The following SH3BGRL2 variants were observed in gnomAD, a reference collection of about 807,000 sequenced individuals.
SH3BGRL2 encodes SH3 domain-binding glutamic acid-rich-like protein 2.
In SH3BGRL2, 21 loss-of-function variants were observed where a neutral mutation model predicts 14.8. That is an observed-to-expected ratio of 1.42 (90% CI 1.01 to 2.05). The LOEUF (loss-of-function observed/expected upper bound fraction) is 2.05, where lower values mean the gene tolerates loss of function less well. SH3BGRL2 is among the 30% of genes most tolerant of loss of function. SH3BGRL2 has a pLI of 0.00. For synonymous variants in SH3BGRL2, 50 were observed against 47.8 expected (o/e 1.05, Z -0.19); for missense variants, 147 against 130.8 (o/e 1.12, Z -0.61).
rs146346014 is a variant in SH3BGRL2, at chr6:79,656,477, A to G, written c.46-17137A>G. 1.4e-3 allele frequency among the ~76,000 whole-genome samples: 210 copies of G among 152,366 alleles called. 2 individuals carry two copies. Among genetic ancestry groups the G allele is most frequent in the African/African-American group, 4.8e-3 (200 of 41,588 alleles). On this transcript the variant is annotated intron_variant, in intron 1 of 3. Coordinates refer to ENST00000369838, the MANE Select transcript of SH3BGRL2 (RefSeq NM_031469.4). ...ATGGGATAACATTTGAGTATATACC[A>G]TGTGGAAAATACTCCTGGGACGACG...
chr6:79,610,373 A>G, the SH3BGRL2 span, among the ~76,000 whole-genome samples: 1 of 152,172 alleles, frequency 6.6e-6, no homozygotes, highest in South Asian at 2.1e-4. Flanking sequence ...TTGCTTCAGG[A>G]CTTCATGCTT....
chr6:79,556,580 T>A, the SH3BGRL2 span, among the ~76,000 whole-genome samples: 1 of 152,054 alleles, frequency 6.6e-6, no homozygotes, highest in African/African-American at 2.4e-5. Flanking sequence ...GTTTAAGCTT[T>A]TTGTTATTAA....
chr6:79,582,617 C>A, the SH3BGRL2 span, among the ~76,000 whole-genome samples: 1 of 152,156 alleles, frequency 6.6e-6, no homozygotes, highest in Non-Finnish European at 1.5e-5. Context: ...CTTCCTTACA[C>A]CTTATACAAA....
intron 2 of SH3BGRL2, among the ~76,000 whole-genome samples, chr6:79,690,968 A>G (rs944152224): frequency 6.6e-6 from 1 of 152,166 alleles, no homozygotes; most frequent in South Asian, 2.1e-4. Context: ...ATGAACATAG[A>G]TGAATTTTTT....
chr6:79,572,673 G>A, the SH3BGRL2 span, among the ~76,000 whole-genome samples: 1 of 152,148 alleles, frequency 6.6e-6, no homozygotes, highest in South Asian at 2.1e-4. Context: ...CACTGTGTTA[G>A]CCAGGATGGT....
At chr6:79,547,629 C>T in the SH3BGRL2 span, among the ~76,000 whole-genome samples, 5 of 152,030 alleles carry the variant, frequency 3.3e-5, no homozygotes, top group African/African-American at 9.6e-5. Context: ...TACTGTGTGG[C>T]GGAAGGAAAA....
chr6:79,627,947 T>C (rs1368578900), upstream of SH3BGRL2, among the ~76,000 whole-genome samples: 1 of 152,198 alleles, frequency 6.6e-6, no homozygotes. Flanking sequence ...CACATCTTTA[T>C]CTTTTCACTA....
At chr6:79,585,323 A>T in the SH3BGRL2 span, among the ~76,000 whole-genome samples, 1 of 151,662 alleles carries the variant, frequency 6.6e-6, no homozygotes, top group African/African-American at 2.4e-5. Context: ...TTTTTAAATT[A>T]AAAAAAAATC....
the SH3BGRL2 span, among the ~76,000 whole-genome samples, chr6:79,581,542 A>C: frequency 6.6e-6 from 1 of 152,238 alleles, no homozygotes; most frequent in African/African-American, 2.4e-5. Flanking sequence ...CAGAAACCAC[A>C]TGATTATCTC....
intron 1 of SH3BGRL2, among the ~76,000 whole-genome samples, chr6:79,649,985 T>TCTCACACACA (rs765159303): frequency 2.3e-4 from 32 of 142,070 alleles, no homozygotes; most frequent in African/African-American, 2.6e-4. Context: ...TCTCTCTCTC[T>TCTCACACACA]CACACACACA....
At chr6:79,691,399 C>T (rs1770211764) in intron 2 of SH3BGRL2, among the ~76,000 whole-genome samples, 1 of 150,926 alleles carries the variant, frequency 6.6e-6, no homozygotes, top group African/African-American at 2.4e-5. Context: ...TACATGTGCA[C>T]AATGTGCAGG....
intron 1 of SH3BGRL2, among the ~76,000 whole-genome samples, chr6:79,634,654 C>CA (rs1768889046): frequency 6.6e-6 from 1 of 152,126 alleles, no homozygotes; most frequent in South Asian, 2.1e-4. Context: ...TGTCCTTGGT[C>CA]TTCTGGGAAG....
intron 2 of SH3BGRL2, among the ~76,000 whole-genome samples, chr6:79,686,030 T>G (rs1476116452): frequency 1.3e-5 from 2 of 152,208 alleles, no homozygotes; most frequent in Non-Finnish European, 2.9e-5. Context: ...GATCATTTTG[T>G]TTAATATAAA....
chr6:79,631,638 TC>T (rs1482431176), intron 1 of SH3BGRL2, 132 bp downstream of exon 1: 5 of 357,672 alleles, frequency 1.4e-5, no homozygotes, highest in Non-Finnish European at 2.2e-5. Flanking sequence ...CGGCAGGTGA[TC>T]CATCACACTC....
chr6:79,571,096 G>C, the SH3BGRL2 span, among the ~76,000 whole-genome samples: 4 of 152,182 alleles, frequency 2.6e-5, no homozygotes, highest in East Asian at 5.8e-4. Context: ...AAGATGCTTT[G>C]TTAGTTAAGA....
chr6:79,682,000 T>TACAC (rs34734780), intron 2 of SH3BGRL2, among the ~76,000 whole-genome samples: 7 of 149,144 alleles, frequency 4.7e-5, no homozygotes, highest in South Asian at 4.3e-4. Flanking sequence ...ACTATTATTT[T>TACAC]ACACACACAC....
chr6:79,695,836 A>C (rs1200036961), intron 2 of SH3BGRL2, among the ~76,000 whole-genome samples: 3 of 152,228 alleles, frequency 2.0e-5, no homozygotes, highest in Non-Finnish European at 4.4e-5. Context: ...ACTTTTGAAA[A>C]GAAACAGTTG....
chr6:79,683,176 A>G (rs1281363592), intron 2 of SH3BGRL2, among the ~76,000 whole-genome samples: 1 of 152,152 alleles, frequency 6.6e-6, no homozygotes, highest in East Asian at 1.9e-4. Flanking sequence ...GTGCACATGT[A>G]CCCTAGAACT....
chr6:79,565,745 G>A, the SH3BGRL2 span, among the ~76,000 whole-genome samples: 3 of 152,172 alleles, frequency 2.0e-5, no homozygotes, highest in Non-Finnish European at 4.4e-5. Flanking sequence ...ATATGGTATA[G>A]TCACCAATTG....
Sources: allele counts gnomAD v4.1 joint callset (sites outside exome capture counted in the v4.1 genomes callset), GRCh38; gene constraint gnomAD v4.1.1; transcripts MANE v1.5; gene names NCBI Gene and HGNC (gene_info 2026-07-23, HGNC 2026-07-21).